The following FOXN3 variants were observed in gnomAD, a reference collection of about 807,000 sequenced individuals.
FOXN3 encodes the protein forkhead box protein N3.
A neutral mutation model predicts 38.4 loss-of-function variants in FOXN3; 7 were observed. The ratio of observed to expected loss-of-function variants is 0.18; its 90% confidence interval spans 0.10 to 0.34. The LOEUF (loss-of-function observed/expected upper bound fraction) is 0.34. FOXN3 is among the 10% of genes least tolerant of loss of function. The probability of loss-of-function intolerance (pLI) is 1.00; values close to 1 mark genes in which losing one functional copy is unlikely to be tolerated. For synonymous variants in FOXN3, 230 were observed against 242.2 expected (o/e 0.95, Z 0.47); for missense variants, 456 against 613.4 (o/e 0.74, Z 2.71).
intron 4 of FOXN3, among the ~76,000 whole-genome samples, chr14:89,238,495 C>T (rs1242516265): frequency 1.3e-5 from 2 of 152,332 alleles, no homozygotes; most frequent in East Asian, 1.9e-4. Flanking sequence ...TACCATATTC[C>T]TCACAATTAC....
chr14:89,553,525 A>G (rs1424467636), intron 1 of FOXN3, among the ~76,000 whole-genome samples: 1 of 152,158 alleles, frequency 6.6e-6, no homozygotes, highest in Non-Finnish European at 1.5e-5. Flanking sequence ...CTAACTTTTA[A>G]TTCCTGATGA....
chr14:89,514,833 A>C (rs954581895), intron 1 of FOXN3, among the ~76,000 whole-genome samples: 3 of 152,018 alleles, frequency 2.0e-5, no homozygotes, highest in Admixed American at 6.6e-5. Flanking sequence ...AGAAGAGGAG[A>C]GGTCCAGGAG....
rs72703622 is a variant in FOXN3, at chr14:89,408,709, C to T, written c.543+3225G>A. On this transcript the variant is annotated intron_variant, in intron 2 of 5. Transcript: ENST00000557258. ...TTTTCACTGCTACGTCAAGCCTAACCGTATTCTTCACTTTCAGAAGAAAAT... is the reference window on the plus strand; with the variant it reads ...TTTTCACTGCTACGTCAAGCCTAACTGTATTCTTCACTTTCAGAAGAAAAT... Among the ~76,000 whole-genome samples, 865 of 151,690 alleles carry T rather than the reference C, an allele frequency of 5.7e-3. 4 individuals are homozygous for T. The highest frequency in any genetic ancestry group is 0.014 in the Middle Eastern group (4 of 294).
chr14:89,304,915 G>C (rs943745601), intron 3 of FOXN3, among the ~76,000 whole-genome samples: 5 of 148,304 alleles, frequency 3.4e-5, no homozygotes, highest in African/African-American at 1.2e-4. Context: ...AGTGATCTGC[G>C]GACAAATCTG....
At chr14:89,416,325 A>G (rs1215876462) in intron 1 of FOXN3, among the ~76,000 whole-genome samples, 1 of 151,994 alleles carries the variant, frequency 6.6e-6, no homozygotes, top group Non-Finnish European at 1.5e-5. Context: ...GATGTCATAA[A>G]CCTTTTATTG....
At chr14:89,289,937 T>A (rs1396696797) in intron 3 of FOXN3, among the ~76,000 whole-genome samples, 1 of 152,224 alleles carries the variant, frequency 6.6e-6, no homozygotes, top group Non-Finnish European at 1.5e-5. Flanking sequence ...GTTTGTGATA[T>A]GAGGGGAACA....
At chr14:89,526,712 C>T (rs1894439444) in intron 1 of FOXN3, among the ~76,000 whole-genome samples, 2 of 152,238 alleles carry the variant, frequency 1.3e-5, no homozygotes, top group South Asian at 2.1e-4. Flanking sequence ...CAACAAAAAT[C>T]CCAACAGGCT....
intron 2 of FOXN3, among the ~76,000 whole-genome samples, chr14:89,410,891 A>G (rs1288923896): frequency 6.8e-6 from 1 of 147,226 alleles, no homozygotes; most frequent in Non-Finnish European, 1.5e-5. Flanking sequence ...AAGAGGAAAA[A>G]AAAGAAAAAA....
intron 4 of FOXN3, among the ~76,000 whole-genome samples, chr14:89,190,990 A>G (rs1374102406): frequency 1.3e-5 from 2 of 152,204 alleles, no homozygotes; most frequent in Non-Finnish European, 2.9e-5. Context: ...GGCATTAAAA[A>G]AAAGCACTTA....
At chr14:89,461,758 G>T (rs964387165) in intron 1 of FOXN3, among the ~76,000 whole-genome samples, 1 of 152,100 alleles carries the variant, frequency 6.6e-6, no homozygotes, top group African/African-American at 2.4e-5. Context: ...CAGGGGCAAC[G>T]ATCTGGACAG....
intron 1 of FOXN3, among the ~76,000 whole-genome samples, chr14:89,453,369 A>T (rs983782669): frequency 2.6e-5 from 4 of 151,838 alleles, no homozygotes; most frequent in Non-Finnish European, 5.9e-5. Context: ...ATCCTGGCTA[A>T]CACGGTGAAA....
intron 1 of FOXN3, among the ~76,000 whole-genome samples, chr14:89,557,557 C>T (rs554896391): frequency 1.4e-4 from 22 of 152,238 alleles, no homozygotes; most frequent in South Asian, 4.1e-4. Context: ...GGCTTGACCT[C>T]GCCTGGTTAG....
intron 4 of FOXN3, among the ~76,000 whole-genome samples, chr14:89,272,017 G>A (rs1181320933): frequency 6.6e-6 from 1 of 152,184 alleles, no homozygotes; most frequent in Non-Finnish European, 1.5e-5. Flanking sequence ...CTAGTACAAA[G>A]AAATAATGCA....
At chr14:89,288,292 C>G (rs567614732) in intron 3 of FOXN3, among the ~76,000 whole-genome samples, 1 of 152,152 alleles carries the variant, frequency 6.6e-6, no homozygotes, top group East Asian at 1.9e-4. Context: ...ATGCACCAAT[C>G]AAGATAAGAA....
chr14:89,219,362 A>C (rs1884382054), intron 4 of FOXN3, among the ~76,000 whole-genome samples: 1 of 152,226 alleles, frequency 6.6e-6, no homozygotes, highest in South Asian at 2.1e-4. Context: ...ACTGTGAGTC[A>C]GTTAAACCTC....
At chr14:89,617,984 A>T (rs1245495908) in intron 1 of FOXN3, among the ~76,000 whole-genome samples, 1 of 152,162 alleles carries the variant, frequency 6.6e-6, no homozygotes, top group Non-Finnish European at 1.5e-5. Context: ...TCTCCTCTCC[A>T]AGGCAGAGTC....
At chr14:89,383,782 T>G (rs1023442849) in intron 2 of FOXN3, among the ~76,000 whole-genome samples, 32 of 133,208 alleles carry the variant, frequency 2.4e-4, no homozygotes, top group African/African-American at 8.8e-4. Flanking sequence ...ACCCTATTTT[T>G]ATTTTTATGT....
chr14:89,610,785 T>C lies in FOXN3; in HGVS notation c.-15+8243A>G, dbSNP rs1896373310. 2.0e-5 allele frequency among the ~76,000 whole-genome samples: 3 copies of C among 152,224 alleles called. No individual in the cohort carries two copies. The South Asian group carries it at 6.2e-4, about 31-fold the overall frequency. ...ATAGGGCACAGTTCCTGGTATGCAG[T>C]AGGTGCCCGCAACTGCTCACTGAAT... On this transcript the variant is annotated intron_variant, in intron 1 of 6. Coordinates refer to the FOXN3 transcript ENST00000345097.
Position 89,521,358 on chromosome 14 carries a change from T to TAGAGAG in FOXN3, c.-15+97664_-15+97669dup, listed in dbSNP as rs199686142. ...ATGATGAATCTTCATAGATGATAGATAGAGAGAGAGAGAGAGAGAGAGAGA... is the reference window on the plus strand; with the variant it reads ...ATGATGAATCTTCATAGATGATAGATAGAGAGAGAGAGAGAGAGAGAGAGAGAGAGA... On this transcript the variant is annotated intron_variant, in intron 1 of 6. Coordinates refer to the FOXN3 transcript ENST00000345097. Among the ~76,000 whole-genome samples the TAGAGAG allele has an allele frequency of 3.8e-3, 481 of 125,052 alleles. 6 individuals are homozygous for TAGAGAG. Among genetic ancestry groups the TAGAGAG allele is most frequent in the African/African-American group, 0.012 (441 of 37,136 alleles). The allele number at this position is 125,052 out of a possible 152,430, so 82.0% of individuals were successfully genotyped here.
Sources: gnomAD v4.1 joint callset for allele counts (sites outside exome capture counted in the v4.1 genomes callset) on GRCh38, gnomAD v4.1.1 for gene constraint, MANE v1.5 for transcripts, NCBI Gene and HGNC (gene_info 2026-07-23, HGNC 2026-07-21) for gene names.